Variants in MITF observed in about 807,000 individuals in gnomAD.
The protein encoded by MITF is microphthalmia-associated transcription factor.
MITF carries 17 observed loss-of-function variants against 60.5 expected under a neutral mutation model. That is an observed-to-expected ratio of 0.28 (90% CI 0.19 to 0.42). MITF has a LOEUF of 0.42. MITF is among the 10% of genes least tolerant of loss of function. The pLI, the probability that MITF is intolerant of heterozygous loss-of-function variation, is 1.00. For synonymous variants in MITF, 260 were observed against 248.5 expected (o/e 1.05, Z -0.43); for missense variants, 622 against 683.5 (o/e 0.91, Z 1.00).
intron 1 of MITF, among the ~76,000 whole-genome samples, chr3:69,840,598 C>T (rs977500452): frequency 6.6e-6 from 1 of 151,880 alleles, no homozygotes; most frequent in South Asian, 2.1e-4. Context: ...AAAAAGAGAT[C>T]GACAGGAAAA....
intron 1 of MITF, among the ~76,000 whole-genome samples, chr3:69,793,810 G>A (rs1006374059): frequency 3.9e-5 from 6 of 152,124 alleles, no homozygotes; most frequent in African/African-American, 1.2e-4. Context: ...AGCCAGCACT[G>A]GAATGATCTT....
chr3:69,755,293 G>A (rs111287871), intron 1 of MITF, among the ~76,000 whole-genome samples: 5 of 152,154 alleles, frequency 3.3e-5, no homozygotes, highest in African/African-American at 9.6e-5. Flanking sequence ...GTCATGTTTC[G>A]GCCTTGGCCA....
At chr3:69,832,583 G>C (rs895348306) in intron 1 of MITF, among the ~76,000 whole-genome samples, 1 of 152,094 alleles carries the variant, frequency 6.6e-6, no homozygotes, top group Non-Finnish European at 1.5e-5. Context: ...TTCGTAGCTT[G>C]CTGTTTTCCT....
At chr3:69,787,459 C>T (rs28613540) in intron 1 of MITF, among the ~76,000 whole-genome samples, 72,679 of 152,078 alleles carry the variant, frequency 0.48, 18,679 homozygotes, top group Non-Finnish European at 0.59. Context: ...TGTAAAGGAT[C>T]TTGTTCCAAG....
intron 2 of MITF, among the ~76,000 whole-genome samples, chr3:69,917,992 T>C (rs2065375799): frequency 6.6e-6 from 1 of 152,168 alleles, no homozygotes; most frequent in Non-Finnish European, 1.5e-5. Flanking sequence ...GGGATTGTTA[T>C]ATGTTGTTCC....
At chr3:69,963,978 T>TTTC (rs2066618185) in intron 9 of MITF, among the ~76,000 whole-genome samples, 1 of 141,238 alleles carries the variant, frequency 7.1e-6, no homozygotes, top group Non-Finnish European at 1.5e-5. Flanking sequence ...TTCTTTTTTT[T>TTTC]TTTTTTTTTT....
At chr3:69,755,561 T>C (rs1704114381) in intron 1 of MITF, among the ~76,000 whole-genome samples, 1 of 151,574 alleles carries the variant, frequency 6.6e-6, no homozygotes. Flanking sequence ...TAGTTTGCTT[T>C]TCTTGATTGT....
At position 69,811,513 on chromosome 3, in the gene MITF, T is replaced by C. The variant is rs115077381; in HGVS notation, c.105-67621T>C. Reference sequence around the variant, plus strand: ...AGGATGCCTGCCAATACTAGCAGTTTGCTGCTCTACAGGGTATTGATTTAA... The same window carrying C: ...AGGATGCCTGCCAATACTAGCAGTTCGCTGCTCTACAGGGTATTGATTTAA... On this transcript the variant is annotated intron_variant, in intron 1 of 9. Coordinates refer to ENST00000352241, the MANE Select transcript of MITF (RefSeq NM_001354604.2). Among the ~76,000 whole-genome samples, 1,017 of 152,312 alleles carry C rather than the reference T, an allele frequency of 6.7e-3. 9 individuals carry two copies. The highest frequency in any genetic ancestry group is 0.023 in the African/African-American group (961 of 41,554).
At chr3:69,931,741 AC>A (rs1270421902) in intron 2 of MITF, among the ~76,000 whole-genome samples, 5 of 152,148 alleles carry the variant, frequency 3.3e-5, no homozygotes, top group African/African-American at 1.2e-4. Flanking sequence ...TGGGATATGC[AC>A]CTGGAATATG....
intron 2 of MITF, among the ~76,000 whole-genome samples, chr3:69,924,371 C>T (rs1434489148): frequency 6.6e-6 from 1 of 152,218 alleles, no homozygotes; most frequent in African/African-American, 2.4e-5. Context: ...ATATTTGATA[C>T]TTGCAATAGG....
At chr3:69,921,186 T>C (rs976404921) in intron 2 of MITF, among the ~76,000 whole-genome samples, 3 of 152,184 alleles carry the variant, frequency 2.0e-5, no homozygotes, top group Non-Finnish European at 2.9e-5. Context: ...TGCTGTTTTA[T>C]CATGGAGAAT....
chr3:69,949,228 A>G, intron 6 of MITF, 60 bp downstream of exon 6: 1 of 1,310,112 alleles, frequency 7.6e-7, no homozygotes, highest in Non-Finnish European at 1.1e-6. Context: ...TGATAAGACA[A>G]AGTTATTGAT....
Position 69,920,200 on chromosome 3 carries a change from C to T in MITF, c.355-17622C>T, listed in dbSNP as rs186843690. ...GCCACCAGAGGGCTCCTTGGTCTAG[C>T]GGTGATGCCAGCATCTGGGAAGATG... On this transcript the variant is annotated intron_variant, in intron 2 of 9. Transcript: ENST00000352241. Among the ~76,000 whole-genome samples the T allele has an allele frequency of 5.9e-5, 9 of 152,306 alleles. No individual in the cohort carries two copies. In the East Asian group the frequency reaches 9.6e-4, roughly 16 times the overall value.
At chr3:69,799,904 A>C (rs950526501) in intron 1 of MITF, among the ~76,000 whole-genome samples, 2 of 152,112 alleles carry the variant, frequency 1.3e-5, no homozygotes, top group Admixed American at 6.6e-5. Flanking sequence ...GACATCTATA[A>C]ATTTAGTGTT....
chr3:69,926,793 A>C (rs1040979554), intron 2 of MITF, among the ~76,000 whole-genome samples: 1 of 152,222 alleles, frequency 6.6e-6, no homozygotes, highest in African/African-American at 2.4e-5. Flanking sequence ...TACAAGCTTG[A>C]ATGTTAGACC....
chr3:69,926,722 C>T (rs1012474462), intron 2 of MITF, among the ~76,000 whole-genome samples: 13 of 152,088 alleles, frequency 8.5e-5, no homozygotes, highest in African/African-American at 2.9e-4. Flanking sequence ...TATTGAACCA[C>T]GTAATTGTGG....
At chr3:69,761,851 GTT>G (rs2062216938) in intron 1 of MITF, among the ~76,000 whole-genome samples, 1 of 152,168 alleles carries the variant, frequency 6.6e-6, no homozygotes, top group African/African-American at 2.4e-5. Context: ...ATCTTCAAAT[GTT>G]GCTACTTGAT....
chr3:69,895,489 C>A (rs2107331672), intron 2 of MITF, among the ~76,000 whole-genome samples: 2 of 152,046 alleles, frequency 1.3e-5, no homozygotes, highest in East Asian at 3.9e-4. Context: ...AACTAAACTG[C>A]CACGAGTTTA....
intron 1 of MITF, among the ~76,000 whole-genome samples, chr3:69,804,974 T>A (rs145168676): frequency 6.6e-6 from 1 of 152,362 alleles, no homozygotes; most frequent in Non-Finnish European, 1.5e-5. Context: ...TGCTAATGGT[T>A]CTGAATCTAG....
Sources: allele counts gnomAD v4.1 joint callset (sites outside exome capture counted in the v4.1 genomes callset), GRCh38; gene constraint gnomAD v4.1.1; transcripts MANE v1.5; gene names NCBI Gene and HGNC (gene_info 2026-07-23, HGNC 2026-07-21).